EXT1: variants seen among roughly 807,000 people sequenced by gnomAD.
EXT1 encodes the protein exostosin glycosyltransferase 1.
A neutral mutation model predicts 82.5 loss-of-function variants in EXT1; 20 were observed. The ratio of observed to expected loss-of-function variants is 0.24; its 90% CI spans 0.17 to 0.35. The LOEUF is 0.35. Among genes scored for constraint, EXT1 ranks in the 10% least tolerant of loss-of-function variants. EXT1 has a pLI of 1.00. For missense variants in EXT1, 757 were observed against 936.5 expected, an observed-to-expected ratio of 0.81 and a Z score of 2.50; for synonymous variants, 348 against 350.8, an observed-to-expected ratio of 0.99 and a Z score of 0.09.
Position 117,818,491 on chromosome 8 carries a change from T to C in EXT1, c.1576A>G (p.Lys526Glu). The change falls in exon 7 of 11, where the codon AAA becomes GAA. Residue 526 changes from lysine (K) to glutamate (E), a missense_variant. Transcript: ENST00000378204. Reference sequence around the variant, plus strand: ...ACAGCAGTGGCAGGCCAGCGGTGTTTGGCTGGTAGGGGCTTGTCACAATTC... The same window carrying C: ...ACAGCAGTGGCAGGCCAGCGGTGTTCGGCTGGTAGGGGCTTGTCACAATTC... ...LWNCDKPLPAKHRWPATAVPV... is the reference protein window; with the variant it reads ...LWNCDKPLPAEHRWPATAVPV... The C allele has an allele frequency of 1.2e-6, 2 of 1,614,102 alleles. No homozygotes were observed. Among genetic ancestry groups the C allele is most frequent in the Non-Finnish European group, 1.7e-6 (2 of 1,179,990 alleles).
intron 1 of EXT1, among the ~76,000 whole-genome samples, chr8:117,923,057 G>T (rs371573624): frequency 6.6e-6 from 1 of 152,088 alleles, no homozygotes; most frequent in Non-Finnish European, 1.5e-5. Context: ...AGGCACGGTG[G>T]CTTGTGCCTG....
rs1008087792 is a variant in EXT1, at chr8:117,949,446, T to C, written c.963-112245A>G. 3.3e-5 allele frequency among the ~76,000 whole-genome samples: 5 copies of C among 150,638 alleles called. 1 individual carries two copies. The highest frequency in any genetic ancestry group is 7.4e-5 in the Non-Finnish European group (5 of 67,724). ...AATCCACAGGTAAGTCTAATATCAG[T>C]ACCTAGTTTGTGTGTGTATATATAC... On this transcript the variant is annotated intron_variant, in intron 1 of 10. Coordinates refer to ENST00000378204, the MANE Select transcript of EXT1 (RefSeq NM_000127.3).
intron 1 of EXT1, among the ~76,000 whole-genome samples, chr8:118,036,510 T>C (rs1212438071): frequency 2.0e-5 from 3 of 152,236 alleles, no homozygotes; most frequent in Non-Finnish European, 4.4e-5. Flanking sequence ...TTTACAATAG[T>C]AATTCCAGTT....
At chr8:117,982,795 G>T (rs767339601) in intron 1 of EXT1, among the ~76,000 whole-genome samples, 17 of 151,986 alleles carry the variant, frequency 1.1e-4, no homozygotes, top group Non-Finnish European at 2.2e-4. Flanking sequence ...CCTGGCTAGG[G>T]CTTTAATTAT....
chr8:117,930,975 A>AC lies in EXT1; in HGVS notation c.963-93775_963-93774insG, dbSNP rs141100378. ...AAGACACTTCCACCAATGCCATGAC[A>AC]GTTTACAGATGCCATGGCAATGCCA... On this transcript the variant is annotated intron_variant, in intron 1 of 10. Transcript: ENST00000378204. 3.4e-3 allele frequency among the ~76,000 whole-genome samples: 517 copies of AC among 152,344 alleles called. 3 individuals carry two copies. Among genetic ancestry groups the AC allele is most frequent in the African/African-American group, 0.011 (471 of 41,572 alleles).
At chr8:117,934,485 T>C (rs934680183) in intron 1 of EXT1, among the ~76,000 whole-genome samples, 6 of 152,220 alleles carry the variant, frequency 3.9e-5, no homozygotes, top group African/African-American at 1.4e-4. Context: ...CCCATTGATG[T>C]GCCCTGTGTA....
chr8:117,821,503 G>A (rs1419012823), intron 5 of EXT1, among the ~76,000 whole-genome samples: 1 of 152,150 alleles, frequency 6.6e-6, no homozygotes, highest in African/African-American at 2.4e-5. Context: ...TCTAAATTCT[G>A]TTACCCAAAT....
chr8:117,935,060 A>G (rs1814133357), intron 1 of EXT1, among the ~76,000 whole-genome samples: 1 of 152,100 alleles, frequency 6.6e-6, no homozygotes, highest in African/African-American at 2.4e-5. Context: ...TTACTTACTA[A>G]ACTCTCTTGG....
rs185690261 is a variant in EXT1, at chr8:118,105,403, T to C, written c.962+4682A>G. Reference sequence around the variant, plus strand: ...CGTAGAGTAAAATCCTGCAGGCCCCTAGCTTAGATCACAGACTCCACTGGA... The same window carrying C: ...CGTAGAGTAAAATCCTGCAGGCCCCCAGCTTAGATCACAGACTCCACTGGA... On this transcript the variant is annotated intron_variant, in intron 1 of 10. Transcript: ENST00000378204. 2.3e-3 allele frequency among the ~76,000 whole-genome samples: 352 copies of C among 152,318 alleles called. 1 individual carries two copies. Among genetic ancestry groups the C allele is most frequent in the African/African-American group, 8.2e-3 (342 of 41,566 alleles).
intron 1 of EXT1, among the ~76,000 whole-genome samples, chr8:118,024,239 C>T (rs1031162745): frequency 2.6e-5 from 4 of 152,190 alleles, no homozygotes; most frequent in Admixed American, 1.3e-4. Flanking sequence ...TTTTCCTTGA[C>T]GGTGCCTATG....
At chr8:117,949,185 G>A (rs1159885813) in intron 1 of EXT1, among the ~76,000 whole-genome samples, 2 of 152,168 alleles carry the variant, frequency 1.3e-5, no homozygotes, top group South Asian at 2.1e-4. Context: ...TCCCAATTTT[G>A]TAATCCTTAT....
At chr8:117,852,747 C>A (rs1812477531) in intron 1 of EXT1, among the ~76,000 whole-genome samples, 1 of 152,150 alleles carries the variant, frequency 6.6e-6, no homozygotes, top group African/African-American at 2.4e-5. Context: ...ATCCATCCAT[C>A]CATTTACCAA....
At chr8:118,102,478 A>C (rs905067617) in intron 1 of EXT1, among the ~76,000 whole-genome samples, 100 of 152,352 alleles carry the variant, frequency 6.6e-4, no homozygotes, top group African/African-American at 2.3e-3. Context: ...AACTTTACAA[A>C]ACTGACAGAC....
intron 5 of EXT1, 117 bp from the exon 6 acceptor site, chr8:117,819,911 T>C: frequency 4.1e-6 from 4 of 967,054 alleles, no homozygotes; most frequent in Middle Eastern, 3.3e-4. Flanking sequence ...GGATGATTTC[T>C]CCTTTGCTTC....
intron 1 of EXT1, among the ~76,000 whole-genome samples, chr8:117,994,993 G>A (rs1291132648): frequency 3.3e-5 from 5 of 152,176 alleles, no homozygotes; most frequent in African/African-American, 1.2e-4. Flanking sequence ...CTATATAGAA[G>A]ATAGGGACAA....
At chr8:118,095,495 A>C (rs909853272) in intron 1 of EXT1, among the ~76,000 whole-genome samples, 1 of 152,266 alleles carries the variant, frequency 6.6e-6, no homozygotes, top group African/African-American at 2.4e-5. Context: ...TGCAGTTATC[A>C]TAAAAAGTGT....
chr8:118,106,678 A>C (rs1817807578), intron 1 of EXT1, among the ~76,000 whole-genome samples: 2 of 152,216 alleles, frequency 1.3e-5, no homozygotes, highest in Admixed American at 6.5e-5. Context: ...CTGAATCTAA[A>C]GTTTCACAAT....
At chr8:117,848,572 T>C (rs777951277) in intron 1 of EXT1, among the ~76,000 whole-genome samples, 1 of 152,074 alleles carries the variant, frequency 6.6e-6, no homozygotes, top group Non-Finnish European at 1.5e-5. Flanking sequence ...CATGCCCTGA[T>C]ATTTACTCAC....
At chr8:117,877,584 T>G (rs1812992958) in intron 1 of EXT1, among the ~76,000 whole-genome samples, 1 of 152,224 alleles carries the variant, frequency 6.6e-6, no homozygotes, top group Non-Finnish European at 1.5e-5. Context: ...CCACTTCATG[T>G]TGAAATTTCT....
Sources: allele counts gnomAD v4.1 joint callset (sites outside exome capture counted in the v4.1 genomes callset), GRCh38; gene constraint gnomAD v4.1.1; transcripts MANE v1.5; gene names NCBI Gene and HGNC (gene_info 2026-07-23, HGNC 2026-07-21).